The following CNNM1 variants were observed in gnomAD, a reference collection of about 807,000 sequenced individuals.
CNNM1 encodes cyclin and CBS domain divalent metal cation transport mediator 1.
Under a neutral mutation model 78.8 loss-of-function variants are expected in CNNM1, and 44 were observed. That is an observed-to-expected ratio of 0.56 (90% CI 0.44 to 0.72). CNNM1 has a LOEUF of 0.72. Among genes scored for constraint, CNNM1 ranks in the 30% least tolerant of loss-of-function variants. The pLI is 0.00. For missense variants in CNNM1, 1,101 were observed against 1,292.2 expected (o/e 0.85, Z 2.27); for synonymous variants, 584 against 581.5 (o/e 1.00, Z -0.06).
intron 1 of CNNM1, among the ~76,000 whole-genome samples, chr10:99,356,594 AAG>A (rs1320423003): frequency 7.5e-6 from 1 of 132,804 alleles, no homozygotes; most frequent in African/African-American, 3.2e-5. Context: ...GAAAGAAAGA[AAG>A]AAAGAAAGAA....
intron 7 of CNNM1, among the ~76,000 whole-genome samples, chr10:99,378,287 A>T (rs1385559727): frequency 6.6e-6 from 1 of 152,122 alleles, no homozygotes; most frequent in African/African-American, 2.4e-5. Flanking sequence ...TATTCTGCAA[A>T]CCATGACAAA....
At chr10:99,347,074 A>G (rs745854230) in intron 1 of CNNM1, among the ~76,000 whole-genome samples, 3 of 152,094 alleles carry the variant, frequency 2.0e-5, no homozygotes, top group Non-Finnish European at 4.4e-5. Flanking sequence ...AAAAATACCT[A>G]TTGGGTACTA....
chr10:99,382,486 G>A (rs759559537), intron 7 of CNNM1, among the ~76,000 whole-genome samples: 8 of 152,180 alleles, frequency 5.3e-5, no homozygotes, highest in Non-Finnish European at 8.8e-5. Flanking sequence ...TAGGAGGCCA[G>A]GTGCAGTGGC....
chr10:99,348,826 C>T (rs531190337), intron 1 of CNNM1, among the ~76,000 whole-genome samples: 2 of 152,228 alleles, frequency 1.3e-5, no homozygotes, highest in South Asian at 4.1e-4. Flanking sequence ...CCAAAGTGGG[C>T]AGATTGCTTG....
chr10:99,387,736 G>A, intron 7 of CNNM1, 84 bp from the exon 8 acceptor site: 1 of 1,392,894 alleles, frequency 7.2e-7, no homozygotes, highest in Non-Finnish European at 9.6e-7. Context: ...ACCCCAGCGA[G>A]GCTGCCCCCG....
chr10:99,343,892 GT>G (rs966333029), intron 1 of CNNM1, among the ~76,000 whole-genome samples: 4 of 146,210 alleles, frequency 2.7e-5, no homozygotes, highest in Non-Finnish European at 6.1e-5. Flanking sequence ...TTTTTGTTTT[GT>G]TTTTTTTTCG....
intron 1 of CNNM1, among the ~76,000 whole-genome samples, chr10:99,333,864 T>C (rs1326605390): frequency 6.6e-6 from 1 of 152,236 alleles, no homozygotes; most frequent in Non-Finnish European, 1.5e-5. Flanking sequence ...CTGTGCAGAA[T>C]TTCTAAACCT....
At chr10:99,376,965 G>C in intron 6 of CNNM1, 90 bp from the exon 7 acceptor site, 1 of 1,270,558 alleles carries the variant, frequency 7.9e-7, no homozygotes, top group Non-Finnish European at 1.1e-6. Flanking sequence ...AACAACACCT[G>C]TCTCTCCCTC....
At chr10:99,349,406 T>TA (rs951695029) in intron 1 of CNNM1, among the ~76,000 whole-genome samples, 29 of 151,504 alleles carry the variant, frequency 1.9e-4, no homozygotes, top group Non-Finnish European at 8.8e-5. Context: ...AGGTGAGGAT[T>TA]AAAAAAAAGG....
rs116715666 is a variant in CNNM1, at chr10:99,335,772, G to A, written c.1573+4812G>A. Among the ~76,000 whole-genome samples, 487 of 152,284 alleles carry A rather than the reference G, an allele frequency of 3.2e-3. 2 individuals carry two copies. The highest frequency in any genetic ancestry group is 0.011 in the African/African-American group (467 of 41,546). On this transcript the variant is annotated intron_variant, in intron 1 of 10. Coordinates refer to ENST00000356713, the MANE Select transcript of CNNM1 (RefSeq NM_020348.3). ...GAAATTTATTTTCTCGCAATTCAAGGCTTTGACATCCAAGATCAAGGTTTT... is the reference window on the plus strand; with the variant it reads ...GAAATTTATTTTCTCGCAATTCAAGACTTTGACATCCAAGATCAAGGTTTT...
At chr10:99,389,064 C>T (rs1181700253) in intron 9 of CNNM1, among the ~76,000 whole-genome samples, 2 of 152,182 alleles carry the variant, frequency 1.3e-5, no homozygotes, top group East Asian at 3.9e-4. Flanking sequence ...AGACCTACTT[C>T]AGTCCATAGT....
intron 1 of CNNM1, among the ~76,000 whole-genome samples, chr10:99,346,996 CTAAA>C (rs1364390811): frequency 1.3e-5 from 2 of 152,002 alleles, no homozygotes; most frequent in African/African-American, 2.4e-5. Flanking sequence ...TGAGTGGGAG[CTAAA>C]TAATGAGAAC....
chr10:99,358,608 A>T (rs1420893178), intron 2 of CNNM1, among the ~76,000 whole-genome samples: 1 of 152,168 alleles, frequency 6.6e-6, no homozygotes, highest in African/African-American at 2.4e-5. Context: ...TAGACAAAGA[A>T]GAGATCAACT....
chr10:99,374,621 A>T (rs1275250099), intron 6 of CNNM1, among the ~76,000 whole-genome samples: 1 of 152,206 alleles, frequency 6.6e-6, no homozygotes, highest in Admixed American at 6.5e-5. Flanking sequence ...AGCTTTAATG[A>T]CTTTAGCTTT....
rs1266366429 is a variant in CNNM1, at chr10:99,393,036, G to C, written c.*1520G>C. ...CACAGCCAGCCTTAGGGAAAACTTG[G>C]AAGTAAGTGAAATTTGTCTTCAGAA... On this transcript the variant is annotated 3_prime_UTR_variant, in exon 11 of 11. Transcript: ENST00000356713. 6.6e-6 allele frequency: 1 copy of C among 152,122 alleles called. No individual in the cohort carries two copies. The highest frequency in any genetic ancestry group is 1.5e-5 in the Non-Finnish European group (1 of 68,050). 9.4% of individuals were successfully genotyped at this position (152,122 alleles called of 1,614,324 possible).
rs114954540 is a variant in CNNM1, at chr10:99,373,368, G to A, written c.2177-3687G>A. On this transcript the variant is annotated intron_variant, in intron 6 of 10. Transcript: ENST00000356713. ...CTTGGTTATGTCCAAACTGAGTTGA[G>A]GTCAAAACCCACCAGATCAAGGTAT... Among the ~76,000 whole-genome samples, 1,427 of 152,238 alleles carry A rather than the reference G, an allele frequency of 9.4e-3. 25 individuals carry two copies. The highest frequency in any genetic ancestry group is 0.033 in the African/African-American group (1,366 of 41,538).
chr10:99,391,311 T>G, intron 10 of CNNM1, 126 bp from the exon 11 acceptor site: 1 of 696,426 alleles, frequency 1.4e-6, no homozygotes, highest in Non-Finnish European at 2.5e-6. Context: ...GCCGGTTAGT[T>G]CTAACCAAGC....
chr10:99,374,975 G>C (rs1040120658), intron 6 of CNNM1, among the ~76,000 whole-genome samples: 1 of 152,222 alleles, frequency 6.6e-6, no homozygotes, highest in African/African-American at 2.4e-5. Flanking sequence ...GACCAGACAA[G>C]GTCTTCAGAG....
intron 4 of CNNM1, 34 bp from the exon 5 acceptor site, chr10:99,364,383 C>T (rs2031539594): frequency 1.3e-6 from 2 of 1,508,166 alleles, no homozygotes; most frequent in African/African-American, 1.4e-5. Context: ...TGCTCATACA[C>T]ATTCATAGTA....
Sources: allele counts gnomAD v4.1 joint callset (sites outside exome capture counted in the v4.1 genomes callset), GRCh38; gene constraint gnomAD v4.1.1; transcripts MANE v1.5; gene names NCBI Gene and HGNC (gene_info 2026-07-23, HGNC 2026-07-21).